Variants in DIAPH3 observed in about 807,000 individuals in gnomAD.
DIAPH3 encodes the protein diaphanous related formin 3, also known as protein diaphanous homolog 3.
A neutral mutation model predicts 144.3 loss-of-function variants in DIAPH3; 117 were observed. That is an observed-to-expected ratio of 0.81 (90% confidence interval 0.70 to 0.95). The LOEUF is 0.95. DIAPH3 is among the 40% of genes least tolerant of loss of function. DIAPH3 has a pLI of 0.00. For synonymous variants in DIAPH3, 519 were observed against 488.9 expected (o/e 1.06, Z -0.81); for missense variants, 1,421 against 1,412.7 (o/e 1.01, Z -0.09).
chr13:59,811,087 T>G lies in DIAPH3; in HGVS notation c.3028-164A>C, dbSNP rs146782240. On this transcript the variant is annotated intron_variant, in intron 24 of 27. Coordinates refer to ENST00000400324, the MANE Select transcript of DIAPH3 (RefSeq NM_001042517.2). ...TTCTAAAAGGTATGCACAGAAACCC[T>G]TGTTAACTATGTTATGTATCTATAA... Among the ~76,000 whole-genome samples, 6 of 152,294 alleles carry G rather than the reference T, an allele frequency of 3.9e-5. No individual in the cohort carries two copies. The East Asian group carries it at 1.2e-3, about 29-fold the overall frequency.
At chr13:60,046,329 T>C (rs2056063524) in intron 4 of DIAPH3, among the ~76,000 whole-genome samples, 1 of 152,180 alleles carries the variant, frequency 6.6e-6, no homozygotes, top group Non-Finnish European at 1.5e-5. Flanking sequence ...AACAGACACT[T>C]TTCAACGGAA....
chr13:59,883,526 C>A (rs2045227799), intron 20 of DIAPH3, among the ~76,000 whole-genome samples: 1 of 152,142 alleles, frequency 6.6e-6, no homozygotes, highest in African/African-American at 2.4e-5. Context: ...AACCTGCTGA[C>A]TGGGAAGTTA....
intron 4 of DIAPH3, among the ~76,000 whole-genome samples, chr13:60,072,981 A>T (rs779270184): frequency 6.6e-6 from 1 of 152,142 alleles, no homozygotes; most frequent in Non-Finnish European, 1.5e-5. Flanking sequence ...ATTTTCTACA[A>T]TGATAATATA....
chr13:60,138,571 T>G (rs569346406), intron 1 of DIAPH3, among the ~76,000 whole-genome samples: 2 of 152,338 alleles, frequency 1.3e-5, no homozygotes, highest in Non-Finnish European at 2.9e-5. Flanking sequence ...TTCAACAATC[T>G]CTGGTATGTA....
intron 17 of DIAPH3, among the ~76,000 whole-genome samples, chr13:59,955,845 G>T (rs1408409083): frequency 1.3e-5 from 2 of 152,174 alleles, no homozygotes; most frequent in South Asian, 4.1e-4. Flanking sequence ...TGAGGAACTT[G>T]TTGAGAACTA....
chr13:60,015,058 C>T (rs1000143008), intron 7 of DIAPH3, among the ~76,000 whole-genome samples: 10 of 151,680 alleles, frequency 6.6e-5, no homozygotes, highest in African/African-American at 1.9e-4. Flanking sequence ...TGCAGTGATT[C>T]GATCACAGTT....
intron 1 of DIAPH3, among the ~76,000 whole-genome samples, chr13:60,151,362 C>T (rs1951772765): frequency 6.6e-6 from 1 of 152,160 alleles, no homozygotes; most frequent in Non-Finnish European, 1.5e-5. Flanking sequence ...CAAGGATATA[C>T]AGACACGTTT....
intron 27 of DIAPH3, among the ~76,000 whole-genome samples, chr13:59,721,547 G>A (rs10507636): frequency 0.043 from 6,492 of 152,206 alleles, 233 homozygotes; most frequent in Admixed American, 0.1. Flanking sequence ...AATTGACGGT[G>A]TGAGTTTCTC....
At chr13:59,857,561 C>T (rs958066349) in intron 22 of DIAPH3, among the ~76,000 whole-genome samples, 2 of 152,062 alleles carry the variant, frequency 1.3e-5, no homozygotes, top group Non-Finnish European at 2.9e-5. Context: ...AACATTGAAT[C>T]CACTCTGATA....
chr13:60,069,367 T>C (rs1215576958), intron 4 of DIAPH3, among the ~76,000 whole-genome samples: 1 of 152,178 alleles, frequency 6.6e-6, no homozygotes, highest in African/African-American at 2.4e-5. Flanking sequence ...TTATAGATTC[T>C]GGATATCAGA....
chr13:59,713,314 T>C (rs2034852078), intron 27 of DIAPH3, among the ~76,000 whole-genome samples: 1 of 151,998 alleles, frequency 6.6e-6, no homozygotes, highest in African/African-American at 2.4e-5. Context: ...CACTTCAGCC[T>C]CTGGAGTAGC....
chr13:59,977,080 C>T (rs1308182686), intron 14 of DIAPH3, among the ~76,000 whole-genome samples: 2 of 151,776 alleles, frequency 1.3e-5, no homozygotes, highest in Non-Finnish European at 2.9e-5. Context: ...TTTAACAACA[C>T]ACCCGAGATA....
intron 27 of DIAPH3, among the ~76,000 whole-genome samples, chr13:59,753,613 C>T (rs1156341915): frequency 6.6e-6 from 1 of 152,126 alleles, no homozygotes; most frequent in African/African-American, 2.4e-5. Context: ...ATACTTGTCA[C>T]TTACAGTGAA....
intron 21 of DIAPH3, among the ~76,000 whole-genome samples, chr13:59,873,365 G>GT (rs1329907844): frequency 2.6e-5 from 4 of 152,066 alleles, no homozygotes; most frequent in African/African-American, 9.7e-5. Context: ...AAAGGAAAAA[G>GT]TGATACATAG....
chr13:59,996,595 T>C (rs1327571110), intron 9 of DIAPH3, among the ~76,000 whole-genome samples: 1 of 151,942 alleles, frequency 6.6e-6, no homozygotes, highest in Non-Finnish European at 1.5e-5. Flanking sequence ...AGCCTAAGAC[T>C]GGAAAGCGAG....
Position 59,717,812 on chromosome 13 carries a change from C to CA in DIAPH3, c.3320-50967dup, listed in dbSNP as rs966767468. ...CATTCTACCCCACTCAAAAAACAAACAAAAAAACCACAAGCCAAACCAAAC... is the reference window on the plus strand; with the variant it reads ...CATTCTACCCCACTCAAAAAACAAACAAAAAAAACCACAAGCCAAACCAAAC... On this transcript the variant is annotated intron_variant, in intron 27 of 27. Transcript: ENST00000400324. 4.7e-5 allele frequency among the ~76,000 whole-genome samples: 7 copies of CA among 149,764 alleles called. No individual in the cohort carries two copies. In the South Asian group the frequency reaches 8.6e-4, roughly 18 times the overall value.
chr13:59,850,858 AG>A (rs1461148854), intron 22 of DIAPH3, among the ~76,000 whole-genome samples: 1 of 148,202 alleles, frequency 6.7e-6, no homozygotes, highest in African/African-American at 2.5e-5. Context: ...GACCAATAAC[AG>A]GAGCTGAAAT....
chr13:59,824,612 G>GAT (rs1271130573), intron 24 of DIAPH3, among the ~76,000 whole-genome samples: 1 of 152,094 alleles, frequency 6.6e-6, no homozygotes, highest in Non-Finnish European at 1.5e-5. Flanking sequence ...TAAGATGGGA[G>GAT]ATATATATAG....
At chr13:59,691,776 C>T (rs1349734867) in intron 27 of DIAPH3, among the ~76,000 whole-genome samples, 1 of 152,106 alleles carries the variant, frequency 6.6e-6, no homozygotes, top group African/African-American at 2.4e-5. Flanking sequence ...TTTTTATATT[C>T]AAGTACATAA....
Sources: gnomAD v4.1 joint callset for allele counts (sites outside exome capture counted in the v4.1 genomes callset) on GRCh38, gnomAD v4.1.1 for gene constraint, MANE v1.5 for transcripts, NCBI Gene and HGNC (gene_info 2026-07-23, HGNC 2026-07-21) for gene names.